Variants in MGAT4C observed in about 807,000 individuals in gnomAD.
MGAT4C encodes the protein alpha-1,3-mannosyl-glycoprotein 4-beta-N-acetylglucosaminyltransferase C.
MGAT4C carries 19 observed loss-of-function variants against 40.1 expected under a neutral mutation model. The ratio of observed to expected loss-of-function variants is 0.47; its 90% confidence interval spans 0.33 to 0.70. MGAT4C has a LOEUF of 0.70. Ranked by LOEUF, MGAT4C falls within the 30% of genes least tolerant of loss-of-function variation. The probability of loss-of-function intolerance (pLI) is 0.02; values close to 1 mark genes in which losing one functional copy is unlikely to be tolerated. For synonymous variants in MGAT4C, 181 were observed against 187.1 expected (o/e 0.97, Z 0.27); for missense variants, 491 against 563.2 (o/e 0.87, Z 1.30).
At chr12:86,571,414 T>C (rs1374774547) in intron 2 of MGAT4C, among the ~76,000 whole-genome samples, 1 of 152,088 alleles carries the variant, frequency 6.6e-6, no homozygotes, top group Admixed American at 6.6e-5. Context: ...AGTGTGTATA[T>C]ATATATGAAA....
At chr12:86,336,883 G>A (rs1954802373) in intron 3 of MGAT4C, among the ~76,000 whole-genome samples, 1 of 152,152 alleles carries the variant, frequency 6.6e-6, no homozygotes, top group Admixed American at 6.6e-5. Context: ...ATAGATTAAT[G>A]AGCAAGACAA....
chr12:86,685,182 G>A (rs1317405767), intron 2 of MGAT4C, among the ~76,000 whole-genome samples: 4 of 152,094 alleles, frequency 2.6e-5, no homozygotes, highest in Admixed American at 2.0e-4. Context: ...TTATGCTTAA[G>A]TCTTTAATCC....
At chr12:86,555,788 T>C (rs1023596732) in intron 2 of MGAT4C, among the ~76,000 whole-genome samples, 1 of 152,308 alleles carries the variant, frequency 6.6e-6, no homozygotes, top group East Asian at 1.9e-4. Context: ...CAATAAATAG[T>C]CTGGGCTTCC....
At chr12:86,194,104 T>C (rs1282387622) in intron 1 of MGAT4C, among the ~76,000 whole-genome samples, 4 of 152,184 alleles carry the variant, frequency 2.6e-5, no homozygotes, top group Non-Finnish European at 5.9e-5. Context: ...TTCTGATGAC[T>C]CATCTTCCTG....
At chr12:86,121,872 GC>G (rs1391049477) in intron 1 of MGAT4C, among the ~76,000 whole-genome samples, 1 of 152,128 alleles carries the variant, frequency 6.6e-6, no homozygotes, top group Non-Finnish European at 1.5e-5. Flanking sequence ...GGCTTCCATA[GC>G]TTTGGAATAG....
At chr12:86,443,184 A>ATGTG (rs201717549) in intron 2 of MGAT4C, among the ~76,000 whole-genome samples, 137 of 150,908 alleles carry the variant, frequency 9.1e-4, no homozygotes, top group African/African-American at 2.7e-3. Flanking sequence ...GACATTATAT[A>ATGTG]TGTGTGTGTG....
chr12:86,091,285 C>G (rs946164016), intron 1 of MGAT4C, among the ~76,000 whole-genome samples: 1 of 151,996 alleles, frequency 6.6e-6, no homozygotes, highest in African/African-American at 2.4e-5. Context: ...AACACAAAAC[C>G]TCAATGTATA....
chr12:86,494,892 T>C (rs1274785424), intron 2 of MGAT4C, among the ~76,000 whole-genome samples: 3 of 152,016 alleles, frequency 2.0e-5, no homozygotes, highest in African/African-American at 7.2e-5. Flanking sequence ...GAAATAGTAA[T>C]AAGATATGTT....
At position 86,387,932 on chromosome 12, in the gene MGAT4C, C is replaced by G. The variant is rs149091164; in HGVS notation, c.-120+47225G>C. On this transcript the variant is annotated intron_variant, in intron 3 of 7. Transcript: ENST00000548651. ...CAAAATACTCTATTGTTTTATGAAG[C>G]AGGAACATGAGCTAGTATTATGAAA... Among the ~76,000 whole-genome samples the G allele has an allele frequency of 3.0e-3, 453 of 152,206 alleles. 2 individuals are homozygous for G. The highest frequency in any genetic ancestry group is 0.01 in the African/African-American group (430 of 41,552).
intron 2 of MGAT4C, among the ~76,000 whole-genome samples, chr12:86,608,719 AT>A (rs202218064): frequency 2.0e-5 from 3 of 151,046 alleles, no homozygotes; most frequent in Admixed American, 6.6e-5. Context: ...AAAAAAAAAA[AT>A]AACCAACTTG....
chr12:86,051,202 T>C (rs1478321820), intron 1 of MGAT4C, among the ~76,000 whole-genome samples: 4 of 152,016 alleles, frequency 2.6e-5, no homozygotes, highest in African/African-American at 7.2e-5. Flanking sequence ...ATTATAACAA[T>C]GTTCACGACC....
At chr12:86,711,553 G>T (rs534176496) in intron 2 of MGAT4C, among the ~76,000 whole-genome samples, 1 of 151,948 alleles carries the variant, frequency 6.6e-6, no homozygotes. Context: ...ATTGGTTTTT[G>T]GTTCTTATAT....
At chr12:86,198,793 G>A (rs1219329568) in intron 1 of MGAT4C, among the ~76,000 whole-genome samples, 3 of 151,940 alleles carry the variant, frequency 2.0e-5, no homozygotes, top group Admixed American at 6.6e-5. Context: ...TTCATTTACC[G>A]GTTGAAAATT....
At chr12:86,053,936 A>C (rs1305002460) in intron 1 of MGAT4C, among the ~76,000 whole-genome samples, 1 of 151,996 alleles carries the variant, frequency 6.6e-6, no homozygotes, top group African/African-American at 2.4e-5. Context: ...AAAAAGATGA[A>C]AAATAAGTGT....
At chr12:86,540,771 A>C (rs1481456207) in intron 2 of MGAT4C, among the ~76,000 whole-genome samples, 2 of 152,080 alleles carry the variant, frequency 1.3e-5, no homozygotes, top group African/African-American at 4.8e-5. Flanking sequence ...AGAAATTCTA[A>C]GCTGAAACCA....
chr12:86,196,486 G>A (rs1949810292), intron 1 of MGAT4C, among the ~76,000 whole-genome samples: 3 of 152,242 alleles, frequency 2.0e-5, no homozygotes, highest in Admixed American at 2.0e-4. Flanking sequence ...AGACCAAAGA[G>A]AAAACACCTT....
rs113547518 is a variant in MGAT4C, at chr12:86,234,854, G to GT, written c.-57+21384dup. Among the ~76,000 whole-genome samples the GT allele has an allele frequency of 7.8e-3, 1,189 of 151,876 alleles. 20 individuals are homozygous for GT. The highest frequency in any genetic ancestry group is 0.027 in the African/African-American group (1,137 of 41,424). ...TCAACATTTCTCAGTTTTTGTTTTT[G>GT]TTTTTTTCCCACACATGAACTGGTA... On this transcript the variant is annotated intron_variant, in intron 1 of 4. Coordinates refer to ENST00000611864, the MANE Select transcript of MGAT4C (RefSeq NM_001351288.2).
intron 2 of MGAT4C, chr12:86,028,333 C>T (rs74940493): frequency 0.078 from 30,035 of 385,444 alleles, 1,538 homozygotes; most frequent in Middle Eastern, 0.22. Context: ...TTGAGCTCCT[C>T]ATCATGGCAG....
chr12:86,370,849 T>C (rs1373781425), intron 3 of MGAT4C, among the ~76,000 whole-genome samples: 1 of 151,990 alleles, frequency 6.6e-6, no homozygotes, highest in Admixed American at 6.6e-5. Context: ...GCACTAGAAA[T>C]ACACACATAA....
Sources: gnomAD v4.1 joint callset for allele counts (sites outside exome capture counted in the v4.1 genomes callset) on GRCh38, gnomAD v4.1.1 for gene constraint, MANE v1.5 for transcripts, NCBI Gene and HGNC (gene_info 2026-07-23, HGNC 2026-07-21) for gene names.